Variants in CPNE8 observed in about 807,000 individuals in gnomAD.
CPNE8 encodes the protein copine 8.
In CPNE8, 45 loss-of-function variants were observed where a neutral mutation model predicts 81.5. The ratio of observed to expected loss-of-function variants is 0.55; its 90% confidence interval spans 0.44 to 0.71. The LOEUF is 0.71. Ranked by LOEUF, CPNE8 falls within the 30% of genes least tolerant of loss-of-function variation. The pLI, the probability that CPNE8 is intolerant of heterozygous loss-of-function variation, is 0.00. For synonymous variants in CPNE8, 252 were observed against 226.3 expected, an observed-to-expected ratio of 1.11 and a Z score of -1.02; for missense variants, 594 against 672.1, an observed-to-expected ratio of 0.88 and a Z score of 1.28.
intron 3 of CPNE8, among the ~76,000 whole-genome samples, chr12:38,854,486 G>A (rs1280601853): frequency 9.1e-5 from 13 of 143,356 alleles, no homozygotes; most frequent in African/African-American, 1.9e-4. Context: ...AAAACTAAAG[G>A]CAGCTATCTT....
intron 13 of CPNE8, among the ~76,000 whole-genome samples, chr12:38,711,872 C>T (rs1940267932): frequency 6.6e-6 from 1 of 152,074 alleles, no homozygotes; most frequent in Admixed American, 6.5e-5. Flanking sequence ...TCTAAACAAA[C>T]TTTTCAGTTT....
intron 15 of CPNE8, among the ~76,000 whole-genome samples, chr12:38,688,598 G>GGT (rs56769844): frequency 0.6 from 89,719 of 148,506 alleles, 27,117 homozygotes; most frequent in East Asian, 0.72. Context: ...AAGAAAATGT[G>GGT]GTGTGTGTGT....
At chr12:38,654,761 A>T (rs1259707280) in intron 19 of CPNE8, among the ~76,000 whole-genome samples, 1 of 152,054 alleles carries the variant, frequency 6.6e-6, no homozygotes, top group Non-Finnish European at 1.5e-5. Context: ...TTTCCTGTCA[A>T]ATGGAGTTAA....
intron 10 of CPNE8, among the ~76,000 whole-genome samples, chr12:38,755,874 A>C (rs1941445918): frequency 6.6e-6 from 1 of 151,692 alleles, no homozygotes; most frequent in Admixed American, 6.6e-5. Context: ...CCCCGTCTCT[A>C]CTAAAAATAC....
At chr12:38,728,965 T>C (rs1185556960) in intron 11 of CPNE8, among the ~76,000 whole-genome samples, 2 of 152,144 alleles carry the variant, frequency 1.3e-5, no homozygotes, top group Non-Finnish European at 2.9e-5. Context: ...TTATTAAGCT[T>C]CTTTGTCATC....
intron 14 of CPNE8, among the ~76,000 whole-genome samples, chr12:38,701,986 A>C (rs1939959562): frequency 6.6e-6 from 1 of 152,144 alleles, no homozygotes; most frequent in African/African-American, 2.4e-5. Flanking sequence ...CCTGGATCTG[A>C]ATGTCCTCGC....
chr12:38,842,569 CTT>C (rs769891980), intron 4 of CPNE8, among the ~76,000 whole-genome samples: 6 of 110,830 alleles, frequency 5.4e-5, no homozygotes, highest in African/African-American at 1.4e-4. Flanking sequence ...AACATTTTTC[CTT>C]TTTTTTTTTT....
At chr12:38,717,442 TATATATATATATATATAC>T (rs1940430374) in intron 13 of CPNE8, among the ~76,000 whole-genome samples, 1 of 134,006 alleles carries the variant, frequency 7.5e-6, no homozygotes, top group Non-Finnish European at 1.6e-5. Flanking sequence ...TATATATATA[TATATATATATATATATAC>T]ACCATGGAAT....
intron 13 of CPNE8, among the ~76,000 whole-genome samples, chr12:38,717,227 T>C (rs1374449811): frequency 6.6e-6 from 1 of 151,684 alleles, no homozygotes; most frequent in Non-Finnish European, 1.5e-5. Context: ...GAAAACAGTA[T>C]GGAGATTCCT....
intron 6 of CPNE8, among the ~76,000 whole-genome samples, chr12:38,787,829 A>C (rs1942230843): frequency 1.3e-5 from 2 of 151,828 alleles, no homozygotes; most frequent in Admixed American, 1.3e-4. Context: ...TATGCCAATA[A>C]GTTAAGAAAT....
chr12:38,846,533 G>T (rs1157771244), intron 4 of CPNE8, among the ~76,000 whole-genome samples: 1 of 152,112 alleles, frequency 6.6e-6, no homozygotes, highest in Admixed American at 6.6e-5. Flanking sequence ...GTTCTTTAGG[G>T]TTACATTGGA....
At chr12:38,690,420 T>C (rs1939647971) in intron 15 of CPNE8, among the ~76,000 whole-genome samples, 2 of 152,200 alleles carry the variant, frequency 1.3e-5, no homozygotes, top group South Asian at 2.1e-4. Context: ...AAAATTAAAG[T>C]AATATAATCA....
intron 6 of CPNE8, among the ~76,000 whole-genome samples, chr12:38,798,955 C>A (rs1037313326): frequency 2.5e-4 from 38 of 152,050 alleles, no homozygotes; most frequent in Admixed American, 9.2e-4. Context: ...ACAAAGAAGG[C>A]CATTACATAA....
At chr12:38,688,400 G>T (rs1939583311) in intron 15 of CPNE8, among the ~76,000 whole-genome samples, 1 of 151,950 alleles carries the variant, frequency 6.6e-6, no homozygotes, top group African/African-American at 2.4e-5. Flanking sequence ...TATATGCTCT[G>T]GATTATATCA....
intron 19 of CPNE8, among the ~76,000 whole-genome samples, chr12:38,659,027 A>G (rs538937440): frequency 1.3e-5 from 2 of 152,216 alleles, no homozygotes; most frequent in African/African-American, 2.4e-5. Flanking sequence ...TAATAATGAC[A>G]GGATCAAATT....
At chr12:38,671,816 G>A (rs1939183483) in intron 18 of CPNE8, among the ~76,000 whole-genome samples, 1 of 152,056 alleles carries the variant, frequency 6.6e-6, no homozygotes, top group South Asian at 2.1e-4. Flanking sequence ...ACATGTTCAT[G>A]AGTCAATGCT....
intron 4 of CPNE8, among the ~76,000 whole-genome samples, chr12:38,847,080 T>C (rs1441929348): frequency 6.6e-6 from 1 of 152,064 alleles, no homozygotes; most frequent in Non-Finnish European, 1.5e-5. Context: ...ATACATTGAG[T>C]CATTTGCAGG....
intron 15 of CPNE8, among the ~76,000 whole-genome samples, chr12:38,689,107 C>T (rs1333436609): frequency 6.6e-6 from 1 of 152,144 alleles, no homozygotes; most frequent in African/African-American, 2.4e-5. Context: ...AAAATAAGCA[C>T]ATTTAATTTT....
At chr12:38,835,818 C>T (rs2137034228) in intron 5 of CPNE8, among the ~76,000 whole-genome samples, 1 of 152,152 alleles carries the variant, frequency 6.6e-6, no homozygotes, top group African/African-American at 2.4e-5. Flanking sequence ...TACACCTTCA[C>T]TGAAGTCTAG....
Sources: gnomAD v4.1 joint callset for allele counts (sites outside exome capture counted in the v4.1 genomes callset) on GRCh38, gnomAD v4.1.1 for gene constraint, MANE v1.5 for transcripts, NCBI Gene and HGNC (gene_info 2026-07-23, HGNC 2026-07-21) for gene names.